The following SGCZ variants were observed in gnomAD, a reference collection of about 807,000 sequenced individuals.
SGCZ encodes sarcoglycan zeta.
Under a neutral mutation model 41.3 loss-of-function variants are expected in SGCZ, and 40 were observed. The ratio of observed to expected loss-of-function variants is 0.97; its 90% confidence interval spans 0.75 to 1.26. The LOEUF is 1.26. SGCZ is among the 50% of genes most tolerant of loss of function. The pLI is 0.00. For synonymous variants in SGCZ, 206 were observed against 137.5 expected (o/e 1.50, Z -3.49); for missense variants, 552 against 369.8 (o/e 1.49, Z -4.04).
chr8:14,909,288 T>A (rs1799211174), intron 1 of SGCZ, among the ~76,000 whole-genome samples: 1 of 152,172 alleles, frequency 6.6e-6, no homozygotes, highest in Admixed American at 6.6e-5. Flanking sequence ...ATCCTCTAAA[T>A]CCAGTTGTCT....
At chr8:14,758,883 C>T (rs1305166963) in intron 1 of SGCZ, among the ~76,000 whole-genome samples, 1 of 151,766 alleles carries the variant, frequency 6.6e-6, no homozygotes, top group Admixed American at 6.6e-5. Flanking sequence ...CATTATGTGC[C>T]TGTCATCTCA....
chr8:14,822,841 C>A (rs553882238), intron 1 of SGCZ, among the ~76,000 whole-genome samples: 1 of 152,020 alleles, frequency 6.6e-6, no homozygotes. Context: ...TTCAAGGCTT[C>A]AGCGCAGCTC....
At chr8:14,241,823 A>G (rs1383129243) in intron 3 of SGCZ, among the ~76,000 whole-genome samples, 1 of 152,104 alleles carries the variant, frequency 6.6e-6, no homozygotes, top group African/African-American at 2.4e-5. Context: ...CATGGCTGCA[A>G]TTTTCTAACT....
intron 1 of SGCZ, among the ~76,000 whole-genome samples, chr8:14,637,349 G>C (rs189082370): frequency 8.4e-4 from 127 of 151,086 alleles, no homozygotes; most frequent in African/African-American, 3.0e-3. Flanking sequence ...TAGACTCGGA[G>C]TACACGTGCA....
At chr8:15,004,889 C>G (rs1235568326) in intron 1 of SGCZ, among the ~76,000 whole-genome samples, 2 of 100,314 alleles carry the variant, frequency 2.0e-5, no homozygotes, top group East Asian at 5.4e-4. Flanking sequence ...GTGTGCTGTT[C>G]AAATACAGAT....
At chr8:14,630,537 AT>A (rs201673239) in intron 1 of SGCZ, among the ~76,000 whole-genome samples, 2,046 of 152,160 alleles carry the variant, frequency 0.013, 45 homozygotes, top group African/African-American at 0.045. Context: ...CACCCAAAGG[AT>A]TATAAATCAT....
intron 2 of SGCZ, among the ~76,000 whole-genome samples, chr8:14,375,200 T>C (rs1232079933): frequency 6.6e-6 from 1 of 152,154 alleles, no homozygotes; most frequent in Non-Finnish European, 1.5e-5. Context: ...GTATGATATT[T>C]AATGCTGAAA....
At chr8:14,493,146 C>G (rs1585589541) in intron 2 of SGCZ, among the ~76,000 whole-genome samples, 1 of 152,062 alleles carries the variant, frequency 6.6e-6, no homozygotes, top group African/African-American at 2.4e-5. Context: ...CTCCCAAAGA[C>G]TTTGCATTGG....
chr8:15,115,531 T>C (rs1807235214), intron 1 of SGCZ, among the ~76,000 whole-genome samples: 1 of 152,236 alleles, frequency 6.6e-6, no homozygotes. Context: ...AGATTACATA[T>C]TAGCTACAAA....
chr8:14,479,317 G>C (rs559077438), intron 2 of SGCZ, among the ~76,000 whole-genome samples: 2 of 152,222 alleles, frequency 1.3e-5, no homozygotes, highest in African/African-American at 2.4e-5. Flanking sequence ...TTCAGCACGG[G>C]AGAAAAATAG....
In SGCZ at chr8:14,141,964, C is replaced by T. The variant is rs143247539; in HGVS notation, c.547+22616G>A. Among the ~76,000 whole-genome samples the T allele has an allele frequency of 9.0e-3, 1,376 of 152,312 alleles. 14 individuals carry two copies. Among genetic ancestry groups the T allele is most frequent in the South Asian group, 0.017 (84 of 4,824 alleles). The stretch of plus-strand genomic sequence containing the variant: ...GGATTAAGAAAATGTGGCACATATA[C>T]ACCATGGAATACTCTGCAGTCATAA... On this transcript the variant is annotated intron_variant, in intron 5 of 7. Transcript: ENST00000382080.
chr8:14,879,622 A>G (rs1044786839), intron 1 of SGCZ: 2 of 145,352 alleles, frequency 1.4e-5, no homozygotes, highest in African/African-American at 2.7e-5. Context: ...ACACACACAC[A>G]CTATTGCTTC....
chr8:14,898,162 C>T (rs2130754724), intron 1 of SGCZ, among the ~76,000 whole-genome samples: 1 of 152,008 alleles, frequency 6.6e-6, no homozygotes, highest in East Asian at 1.9e-4. Flanking sequence ...ATTGCCCAGG[C>T]TGGTCTCAAA....
At chr8:14,754,759 G>C (rs1351429778) in intron 1 of SGCZ, among the ~76,000 whole-genome samples, 1 of 152,150 alleles carries the variant, frequency 6.6e-6, no homozygotes, top group Non-Finnish European at 1.5e-5. Flanking sequence ...CTAGGCTGGA[G>C]TGCAGTGGTA....
At chr8:14,707,718 A>G (rs905619269) in intron 1 of SGCZ, among the ~76,000 whole-genome samples, 3 of 152,158 alleles carry the variant, frequency 2.0e-5, no homozygotes, top group Non-Finnish European at 2.9e-5. Flanking sequence ...ATAAAAATGA[A>G]CAATTGTTAG....
rs569594979 is a variant in SGCZ at position 14,871,190 on chromosome 8, A to T, written c.40-316264T>A. ...TCATTGCACTCCAGCCTGGGCAACAAGAGTGAAACGCTCTCTCAACAACAA... is the reference window on the plus strand; with the variant it reads ...TCATTGCACTCCAGCCTGGGCAACATGAGTGAAACGCTCTCTCAACAACAA... On this transcript the variant is annotated intron_variant, in intron 1 of 7. Transcript: ENST00000382080. Among the ~76,000 whole-genome samples, 5 of 152,178 alleles carry T rather than the reference A, an allele frequency of 3.3e-5. No individual in the cohort carries two copies. In the South Asian group the frequency reaches 1.0e-3, roughly 32 times the overall value.
At chr8:14,311,327 C>T (rs963280140) in intron 3 of SGCZ, among the ~76,000 whole-genome samples, 3 of 152,106 alleles carry the variant, frequency 2.0e-5, no homozygotes, top group African/African-American at 7.2e-5. Context: ...CATAGTTCCA[C>T]AGTCATAAAA....
At chr8:14,130,115 T>C (rs1331748388) in intron 5 of SGCZ, among the ~76,000 whole-genome samples, 1 of 152,158 alleles carries the variant, frequency 6.6e-6, no homozygotes, top group Non-Finnish European at 1.5e-5. Flanking sequence ...AGTGTGGAAC[T>C]AGTATAAGGA....
At chr8:14,422,982 C>T (rs1267718556) in intron 2 of SGCZ, among the ~76,000 whole-genome samples, 2 of 152,076 alleles carry the variant, frequency 1.3e-5, no homozygotes, top group Non-Finnish European at 2.9e-5. Context: ...GAGCCATGAT[C>T]ATGCCATTGT....
Sources: gnomAD v4.1 joint callset for allele counts (sites outside exome capture counted in the v4.1 genomes callset) on GRCh38, gnomAD v4.1.1 for gene constraint, MANE v1.5 for transcripts, NCBI Gene and HGNC (gene_info 2026-07-23, HGNC 2026-07-21) for gene names.